ANXA11: variants seen among roughly 807,000 people sequenced by gnomAD.
ANXA11 encodes the protein annexin A11, also known as 56 kDa autoantigen.
A neutral mutation model predicts 64.7 loss-of-function variants in ANXA11; 57 were observed. That is an observed-to-expected ratio of 0.88 (90% CI 0.71 to 1.10). The LOEUF (loss-of-function observed/expected upper bound fraction) is 1.10. Ranked by LOEUF, ANXA11 falls within the 50% of genes least tolerant of loss-of-function variation. The pLI is 0.00. For missense variants in ANXA11, 675 were observed against 670.7 expected (o/e 1.01, Z -0.07); for synonymous variants, 260 against 265.2 (o/e 0.98, Z 0.19).
At chr10:80,161,852 A>G in intron 12 of ANXA11, 83 bp downstream of exon 12, 1 of 1,234,690 alleles carries the variant, frequency 8.1e-7, no homozygotes, top group South Asian at 1.2e-5. Context: ...AGGAACGACC[A>G]AGTGTTCCCA....
chr10:80,203,065 A>AG (rs987613843), intron 1 of ANXA11, among the ~76,000 whole-genome samples: 1 of 145,878 alleles, frequency 6.9e-6, no homozygotes, highest in Non-Finnish European at 1.5e-5. Flanking sequence ...AAAAAAAAAA[A>AG]GACAGCAGAA....
chr10:80,158,983 T>C (rs759146327), intron 13 of ANXA11, 117 bp downstream of exon 13: 8 of 770,674 alleles, frequency 1.0e-5, no homozygotes, highest in Non-Finnish European at 1.3e-5. Flanking sequence ...CTGAGCGATC[T>C]TGGATCCTGT....
intron 1 of ANXA11, among the ~76,000 whole-genome samples, chr10:80,194,141 G>T (rs1846890462): frequency 6.6e-6 from 1 of 152,190 alleles, no homozygotes; most frequent in African/African-American, 2.4e-5. Context: ...ACCAACATCT[G>T]CAGTAGGTCC....
chr10:80,157,205 T>C (rs1845308490), intron 15 of ANXA11: 1 of 985,044 alleles, frequency 1.0e-6, no homozygotes, highest in African/African-American at 1.7e-5. Context: ...GGACTCCAAG[T>C]GGCGTGACCC....
At chr10:80,176,987 T>TG (rs2132440104) in intron 1 of ANXA11, among the ~76,000 whole-genome samples, 1 of 151,596 alleles carries the variant, frequency 6.6e-6, no homozygotes, top group East Asian at 1.9e-4. Context: ...CCCACTTTTT[T>TG]TTTTTTTTTT....
At chr10:80,187,535 G>C (rs1001649766) in intron 1 of ANXA11, among the ~76,000 whole-genome samples, 2 of 149,784 alleles carry the variant, frequency 1.3e-5, no homozygotes, top group South Asian at 4.3e-4. Context: ...GCACGCGCAT[G>C]TGCGCGCGTG....
rs115716290 is a variant in ANXA11 at position 80,175,769 on chromosome 10, G to A, written c.-9+338C>T. 4.7e-3 allele frequency among the ~76,000 whole-genome samples: 720 copies of A among 152,220 alleles called. 2 individuals carry two copies. The highest frequency in any genetic ancestry group is 0.016 in the African/African-American group (671 of 41,546). ...GGAAATCACCAATTAAAAATACACA[G>A]ATGTCGGCTGGGCGCAGTGGCTCAT... On this transcript the variant is annotated intron_variant, in intron 2 of 15. Transcript: ENST00000422982.
chr10:80,161,889 A>T, intron 12 of ANXA11, 46 bp downstream of exon 12: 1 of 1,497,572 alleles, frequency 6.7e-7, no homozygotes, highest in Non-Finnish European at 9.2e-7. Flanking sequence ...CAATCCCCTG[A>T]CTGCCCTCAT....
At chr10:80,163,277 C>T in intron 11 of ANXA11, 72 bp downstream of exon 11, 1 of 1,567,526 alleles carries the variant, frequency 6.4e-7, no homozygotes, top group South Asian at 1.1e-5. Flanking sequence ...CCTAGGGTAC[C>T]TCTCTCAGGA....
intron 1 of ANXA11, among the ~76,000 whole-genome samples, chr10:80,204,571 T>G (rs901376540): frequency 3.9e-5 from 6 of 152,212 alleles, no homozygotes; most frequent in Non-Finnish European, 7.3e-5. Context: ...CCGGGCTGAC[T>G]GTTTCCAGCT....
At chr10:80,200,784 A>C (rs1840385028) in intron 1 of ANXA11, among the ~76,000 whole-genome samples, 1 of 152,178 alleles carries the variant, frequency 6.6e-6, no homozygotes, top group Admixed American at 6.5e-5. Context: ...TAATCCCAGC[A>C]CTTTGGGAGG....
Position 80,161,990 on chromosome 10 carries a change from G to A in ANXA11, c.1125C>T (p.Asp375=), listed in dbSNP as rs751807530. 33 of 1,612,374 alleles carry A rather than the reference G, an allele frequency of 2.0e-5. No homozygotes were observed. The highest frequency in any genetic ancestry group is 8.9e-5 in the East Asian group (4 of 44,888). The change falls in exon 12 of 16, where the codon GAC becomes GAT. Residue 375 remains aspartate (D), a synonymous_variant. Transcript: ENST00000422982. ...ACAGAACCGCATTGAACTTGGACTC[G>A]TCTGTTCCCAGGCGGTTCTCCCCGG... ...YAAGENRLGT[D]ESKFNAVLCS... is the part of the protein sequence containing the mutation.
At chr10:80,188,927 T>C (rs1465938277) in intron 1 of ANXA11, among the ~76,000 whole-genome samples, 3 of 151,922 alleles carry the variant, frequency 2.0e-5, no homozygotes, top group African/African-American at 7.3e-5. Context: ...AGCCAACCCT[T>C]AGGGTCCCGG....
At chr10:80,165,507 C>T (rs773258190) in intron 8 of ANXA11, among the ~76,000 whole-genome samples, 24 of 152,146 alleles carry the variant, frequency 1.6e-4, no homozygotes, top group Non-Finnish European at 2.8e-4. Flanking sequence ...AGCTGGGTCT[C>T]ATAGTTATGC....
At chr10:80,193,369 G>A (rs1846850924) in intron 1 of ANXA11, among the ~76,000 whole-genome samples, 1 of 152,028 alleles carries the variant, frequency 6.6e-6, no homozygotes, top group Non-Finnish European at 1.5e-5. Context: ...CTGGAGAAAG[G>A]GAAAGAGGAA....
intron 1 of ANXA11, among the ~76,000 whole-genome samples, chr10:80,184,375 A>G (rs533918545): frequency 1.3e-5 from 2 of 152,322 alleles, no homozygotes; most frequent in Admixed American, 6.5e-5. Flanking sequence ...CAACTTTATG[A>G]TGGTGCAAGA....
intron 1 of ANXA11, among the ~76,000 whole-genome samples, chr10:80,188,789 G>T (rs964472216): frequency 2.4e-4 from 36 of 152,246 alleles, no homozygotes; most frequent in African/African-American, 8.7e-4. Flanking sequence ...CACGCCTAGT[G>T]GCCAAAGAAG....
In ANXA11 at chr10:80,163,422, G is replaced by A. The variant is rs775030360; in HGVS notation, c.1030-17C>T. 37 of 1,614,008 alleles carry A rather than the reference G, an allele frequency of 2.3e-5. No individual in the cohort carries two copies. The Admixed American group carries it at 3.7e-4, about 16-fold the overall frequency. On this transcript the variant is annotated splice_polypyrimidine_tract_variant and intron_variant, in intron 10 of 15. Transcript: ENST00000422982. ...ACGGTTTCCCTGAAAGGAAGCAGGT[G>A]TATGGTCATGCCCACTCCTTCCCCA...
chr10:80,190,277 A>G (rs1846715313), intron 1 of ANXA11, among the ~76,000 whole-genome samples: 1 of 148,364 alleles, frequency 6.7e-6, no homozygotes, highest in African/African-American at 2.5e-5. Context: ...TACGTTGTGT[A>G]TATTTTTACC....
Sources: allele counts gnomAD v4.1 joint callset (sites outside exome capture counted in the v4.1 genomes callset), GRCh38; gene constraint gnomAD v4.1.1; transcripts MANE v1.5; gene names NCBI Gene and HGNC (gene_info 2026-07-23, HGNC 2026-07-21).